THRAP3: variants seen among roughly 807,000 people sequenced by gnomAD.
THRAP3 encodes thyroid hormone receptor associated protein 3.
THRAP3 carries 16 observed loss-of-function variants against 101.0 expected under a neutral mutation model. The ratio of observed to expected loss-of-function variants is 0.16; its 90% confidence interval spans 0.11 to 0.24. THRAP3 has a LOEUF of 0.24. THRAP3 is among the 10% of genes least tolerant of loss of function. THRAP3 has a pLI of 1.00. For missense variants in THRAP3, 989 were observed against 1,202.7 expected, an observed-to-expected ratio of 0.82 and a Z score of 2.63; for synonymous variants, 407 against 422.6, an observed-to-expected ratio of 0.96 and a Z score of 0.45.
intron 2 of THRAP3, among the ~76,000 whole-genome samples, chr1:36,277,663 A>G (rs1288764513): frequency 2.0e-5 from 3 of 152,166 alleles, no homozygotes; most frequent in Non-Finnish European, 4.4e-5. Context: ...ATGCACCACC[A>G]TGCCTGGCCT....
rs1217927347 is a variant in THRAP3, at chr1:36,291,241, T to C, written c.1746-133T>C. The C allele has an allele frequency of 3.4e-6, 3 of 870,432 alleles. No homozygotes were observed. In the East Asian group the frequency reaches 8.0e-5, roughly 23 times the overall value. 53.9% of individuals were successfully genotyped at this position (870,432 alleles called of 1,614,324 possible). Reference sequence around the variant, plus strand: ...TTCCATAGTTACAGTGCACTGAGGGTTACTTTCAACTTCGGTAGGAAGAAA... The same window carrying C: ...TTCCATAGTTACAGTGCACTGAGGGCTACTTTCAACTTCGGTAGGAAGAAA... On this transcript the variant is annotated intron_variant, in intron 5 of 11. Coordinates refer to ENST00000354618, the MANE Select transcript of THRAP3 (RefSeq NM_005119.4).
At chr1:36,275,276 C>T (rs570803628) in intron 2 of THRAP3, among the ~76,000 whole-genome samples, 8 of 110,766 alleles carry the variant, frequency 7.2e-5, no homozygotes, top group South Asian at 3.6e-4. Flanking sequence ...GGCGACAAAG[C>T]GAGAGTCTGT....
chr1:36,292,460 C>A, intron 6 of THRAP3, 138 bp from the exon 7 acceptor site: 1 of 552,944 alleles, frequency 1.8e-6, no homozygotes, highest in Admixed American at 2.8e-5. Flanking sequence ...TTAGTAGAGA[C>A]GGGGTTTCAC....
At chr1:36,274,103 C>T (rs1645626251) in intron 2 of THRAP3, among the ~76,000 whole-genome samples, 1 of 143,942 alleles carries the variant, frequency 6.9e-6, no homozygotes, top group East Asian at 2.0e-4. Context: ...CACACACACA[C>T]ACACAGACAA....
At position 36,287,063 on chromosome 1, in the gene THRAP3, C is replaced by G. The variant is rs776945478; in HGVS notation, c.833C>G (p.Ser278Cys). The change falls in exon 4 of 12, where the codon TCC becomes TGC. Residue 278 changes from serine (S) to cysteine (C), a missense_variant. Ser to Cys is a moderately radical substitution (Grantham distance 112, BLOSUM62 -1). Coordinates refer to ENST00000354618, the MANE Select transcript of THRAP3 (RefSeq NM_005119.4). ...GTGCCAAAACCTAGTCCTCCACTTTCCAGCACATCCCAGATGGGCTCAACT... is the reference window on the plus strand; with the variant it reads ...GTGCCAAAACCTAGTCCTCCACTTTGCAGCACATCCCAGATGGGCTCAACT... ...SPVPKPSPPL[S>C]STSQMGSTLP... 3 of 1,613,766 alleles carry G rather than the reference C, an allele frequency of 1.9e-6. No homozygotes were observed. Among genetic ancestry groups the G allele is most frequent in the Admixed American group, 1.7e-5 (1 of 59,996 alleles).
chr1:36,255,787 AAAAG>A (rs1483978991), intron 1 of THRAP3, among the ~76,000 whole-genome samples: 2 of 146,196 alleles, frequency 1.4e-5, no homozygotes, highest in African/African-American at 2.5e-5. Flanking sequence ...AAAAAAAAAG[AAAAG>A]AAAGAAAGAT....
chr1:36,243,333 A>T (rs551246589), intron 1 of THRAP3, among the ~76,000 whole-genome samples: 1 of 152,000 alleles, frequency 6.6e-6, no homozygotes, highest in East Asian at 1.9e-4. Flanking sequence ...TCCTAGGCAG[A>T]GGACCCTGCG....
At chr1:36,217,854 G>A in the THRAP3 span, among the ~76,000 whole-genome samples, 1 of 152,024 alleles carries the variant, frequency 6.6e-6, no homozygotes, top group South Asian at 2.1e-4. Flanking sequence ...TTCTCCTCCA[G>A]TCTCCCTGTT....
At chr1:36,254,470 A>G (rs903003903) in intron 1 of THRAP3, among the ~76,000 whole-genome samples, 11 of 152,216 alleles carry the variant, frequency 7.2e-5, no homozygotes, top group African/African-American at 1.4e-4. Context: ...TGTGATGGAT[A>G]TGCACTGGTA....
intron 1 of THRAP3, among the ~76,000 whole-genome samples, chr1:36,238,772 C>T (rs760517352): frequency 6.6e-6 from 1 of 151,242 alleles, no homozygotes; most frequent in Non-Finnish European, 1.5e-5. Context: ...GTGGTGCAGT[C>T]ATAGCTTACT....
upstream of THRAP3, among the ~76,000 whole-genome samples, chr1:36,220,043 G>T (rs2124299069): frequency 6.6e-6 from 1 of 152,282 alleles, no homozygotes; most frequent in South Asian, 2.1e-4. Context: ...CACCCAGGCT[G>T]GAGTGCAATG....
chr1:36,217,664 T>A, the THRAP3 span, among the ~76,000 whole-genome samples: 4 of 152,184 alleles, frequency 2.6e-5, no homozygotes, highest in Admixed American at 2.0e-4. Flanking sequence ...TATTTCAAAC[T>A]TTTTCATTAT....
intron 1 of THRAP3, among the ~76,000 whole-genome samples, chr1:36,244,608 G>A (rs1645209086): frequency 1.3e-5 from 2 of 152,092 alleles, no homozygotes. Context: ...TGAATGCCAT[G>A]TATGTGTAAA....
At position 36,259,562 on chromosome 1, in the gene THRAP3, C is replaced by T. The variant is rs139701533; in HGVS notation, c.-32+78C>T. ...ATCTTACGTTAAGAATTGATTATTT[C>T]GAGACCAGCCTATGCAACATGGTGA... On this transcript the variant is annotated intron_variant, in intron 2 of 11. Coordinates refer to ENST00000354618, the MANE Select transcript of THRAP3 (RefSeq NM_005119.4). 176 of 395,116 alleles carry T rather than the reference C, an allele frequency of 4.5e-4. No individual in the cohort carries two copies. The East Asian group carries it at 6.0e-3, about 13-fold the overall frequency. The allele number at this position is 395,116 out of a possible 1,614,324, so 24.5% of individuals were successfully genotyped here. A position where few individuals can be genotyped will look rare whatever the true frequency, so the allele number is the denominator to read the frequency against.
intron 2 of THRAP3, among the ~76,000 whole-genome samples, chr1:36,270,523 A>G (rs1255887005): frequency 2.6e-5 from 4 of 151,746 alleles, no homozygotes; most frequent in Non-Finnish European, 5.9e-5. Flanking sequence ...AGATTTCCAA[A>G]ATGGACATGG....
intron 2 of THRAP3, among the ~76,000 whole-genome samples, chr1:36,271,047 G>A (rs1645584395): frequency 2.0e-5 from 3 of 151,936 alleles, no homozygotes; most frequent in Non-Finnish European, 2.9e-5. Context: ...CTTTCTTCCC[G>A]TCTCATATCC....
At chr1:36,270,131 G>A (rs1463105310) in intron 2 of THRAP3, among the ~76,000 whole-genome samples, 1 of 152,160 alleles carries the variant, frequency 6.6e-6, no homozygotes, top group Non-Finnish European at 1.5e-5. Context: ...GCTCATGCCT[G>A]TAATCCCAGC....
At chr1:36,220,437 A>T (rs924551351), upstream of THRAP3, among the ~76,000 whole-genome samples, 2 of 152,156 alleles carry the variant, frequency 1.3e-5, no homozygotes, top group Non-Finnish European at 2.9e-5. Context: ...GCACTTTGGG[A>T]GGCTGAGGTG....
rs1422751685 is a variant in THRAP3, at chr1:36,304,372, T to C, written c.*355T>C. The C allele has an allele frequency of 4.1e-6, 1 of 246,862 alleles. No homozygotes were observed. The highest frequency in any genetic ancestry group is 7.9e-6 in the Non-Finnish European group (1 of 127,340). 15.3% of individuals were successfully genotyped at this position (246,862 alleles called of 1,614,324 possible). A position where few individuals can be genotyped will look rare whatever the true frequency, so the allele number is the denominator to read the frequency against. On this transcript the variant is annotated 3_prime_UTR_variant, in exon 12 of 12. Coordinates refer to ENST00000354618, the MANE Select transcript of THRAP3 (RefSeq NM_005119.4). ...CCAACAGTTTTGTTCTAATTTCATT[T>C]CATTTGGAGCTAAGATGACTAATTT...
Sources: allele counts gnomAD v4.1 joint callset (sites outside exome capture counted in the v4.1 genomes callset), GRCh38; gene constraint gnomAD v4.1.1; transcripts MANE v1.5; gene names NCBI Gene and HGNC (gene_info 2026-07-23, HGNC 2026-07-21).